ANKS1B: variants seen among roughly 807,000 people sequenced by gnomAD.
The protein encoded by ANKS1B is ankyrin repeat and sterile alpha motif domain-containing protein 1B.
Under a neutral mutation model 148.3 loss-of-function variants are expected in ANKS1B, and 36 were observed. That is an observed-to-expected ratio of 0.24 (90% CI 0.19 to 0.32). The LOEUF (loss-of-function observed/expected upper bound fraction) is 0.32. ANKS1B is among the 10% of genes least tolerant of loss of function. The pLI, the probability that ANKS1B is intolerant of heterozygous loss-of-function variation, is 1.00. For missense variants in ANKS1B, 1,157 were observed against 1,542.6 expected, an observed-to-expected ratio of 0.75 and a Z score of 4.19; for synonymous variants, 542 against 560.8, an observed-to-expected ratio of 0.97 and a Z score of 0.47.
intron 17 of ANKS1B, among the ~76,000 whole-genome samples, chr12:98,971,569 C>T (rs2099883139): frequency 6.6e-6 from 1 of 152,146 alleles, no homozygotes; most frequent in East Asian, 1.9e-4. Context: ...TACCCTTTGT[C>T]TAGAGTGATC....
chr12:99,972,572 G>A lies in ANKS1B; in HGVS notation c.134+11532C>T, dbSNP rs573427260. On this transcript the variant is annotated intron_variant, in intron 1 of 26. Coordinates refer to ENST00000683438, the MANE Select transcript of ANKS1B (RefSeq NM_001352186.2). ...AGCTGATGGAGCTGGGGAAGCTGCA[G>A]AAGAAAAATCTGAAGGTAGCAGAGG... Among the ~76,000 whole-genome samples the A allele has an allele frequency of 3.9e-5, 6 of 152,276 alleles. No individual in the cohort carries two copies. In the South Asian group the frequency reaches 1.2e-3, roughly 32 times the overall value.
intron 19 of ANKS1B, among the ~76,000 whole-genome samples, chr12:98,824,037 A>G (rs1007200130): frequency 3.3e-5 from 5 of 152,214 alleles, no homozygotes; most frequent in Non-Finnish European, 7.3e-5. Context: ...TGTGCACAAT[A>G]TATTTCCATA....
At chr12:99,176,613 C>T (rs1846481015) in intron 14 of ANKS1B, among the ~76,000 whole-genome samples, 1 of 152,100 alleles carries the variant, frequency 6.6e-6, no homozygotes, top group Admixed American at 6.5e-5. Context: ...GGTGTAATCC[C>T]TAGTGTTGGA....
intron 8 of ANKS1B, among the ~76,000 whole-genome samples, chr12:99,668,408 T>C (rs1260720047): frequency 6.6e-6 from 1 of 152,086 alleles, no homozygotes; most frequent in Non-Finnish European, 1.5e-5. Context: ...TTTAATTTCC[T>C]CTTTTATCTC....
At chr12:98,914,431 A>G (rs564149418) in intron 17 of ANKS1B, among the ~76,000 whole-genome samples, 11 of 152,302 alleles carry the variant, frequency 7.2e-5, no homozygotes, top group African/African-American at 2.4e-4. Context: ...TTCATATGCC[A>G]TATACAAGTC....
chr12:99,856,589 A>C (rs1336289452), intron 1 of ANKS1B, among the ~76,000 whole-genome samples: 1 of 152,136 alleles, frequency 6.6e-6, no homozygotes, highest in African/African-American at 2.4e-5. Context: ...AAAAAAGAAA[A>C]CTACAGACCA....
intron 17 of ANKS1B, among the ~76,000 whole-genome samples, chr12:98,925,319 T>C (rs1405814593): frequency 6.6e-6 from 1 of 152,216 alleles, no homozygotes; most frequent in African/African-American, 2.4e-5. Flanking sequence ...ATGAAAAATC[T>C]ATACTCCGGC....
Position 99,984,300 on chromosome 12 carries a change from C to T in ANKS1B, c.-63G>A. ...CTCGGGTCCTCCTCCCCACCCACCCCCACTCCCCAAAATCCAGGGCCCTCT... is the reference window on the plus strand; with the variant it reads ...CTCGGGTCCTCCTCCCCACCCACCCTCACTCCCCAAAATCCAGGGCCCTCT... On this transcript the variant is annotated 5_prime_UTR_variant, in exon 1 of 27. Coordinates refer to ENST00000683438, the MANE Select transcript of ANKS1B (RefSeq NM_001352186.2). The T allele has an allele frequency of 6.7e-7, 1 of 1,487,668 alleles. No individual in the cohort carries two copies. The highest frequency in any genetic ancestry group is 9.0e-7 in the Non-Finnish European group (1 of 1,105,564). The allele number at this position is 1,487,668 out of a possible 1,614,324, so 92.2% of individuals were successfully genotyped here.
At chr12:98,865,957 T>C (rs1160160445) in intron 17 of ANKS1B, among the ~76,000 whole-genome samples, 1 of 152,140 alleles carries the variant, frequency 6.6e-6, no homozygotes, top group Non-Finnish European at 1.5e-5. Context: ...TGCTTCCTAA[T>C]AGATGGCCGT....
chr12:98,942,238 C>G (rs2153023429), intron 17 of ANKS1B, among the ~76,000 whole-genome samples: 1 of 123,856 alleles, frequency 8.1e-6, no homozygotes, highest in South Asian at 3.0e-4. Flanking sequence ...GAGACCCTGT[C>G]TTGGTGGGAG....
chr12:98,771,465 G>A (rs1421643325), intron 25 of ANKS1B, among the ~76,000 whole-genome samples: 1 of 151,906 alleles, frequency 6.6e-6, no homozygotes, highest in Non-Finnish European at 1.5e-5. Flanking sequence ...AGCTGTGCCT[G>A]GCCAAGAGTA....
chr12:99,194,144 T>C (rs1409405226), intron 14 of ANKS1B, among the ~76,000 whole-genome samples: 1 of 152,122 alleles, frequency 6.6e-6, no homozygotes. Flanking sequence ...TTTTTAAAGG[T>C]AAGTTTAACC....
chr12:99,076,558 A>C (rs1192437520), intron 16 of ANKS1B, among the ~76,000 whole-genome samples: 14 of 152,156 alleles, frequency 9.2e-5, no homozygotes, highest in Admixed American at 9.2e-4. Context: ...AGTCCCATGA[A>C]GATGGTCAAA....
chr12:99,649,364 G>A, intron 9 of ANKS1B: 1 of 1,614,008 alleles, frequency 6.2e-7, no homozygotes. Flanking sequence ...GAAATGTTTG[G>A]GTCCACCTAT....
chr12:99,787,270 T>C (rs2065106375), intron 4 of ANKS1B, among the ~76,000 whole-genome samples: 1 of 152,168 alleles, frequency 6.6e-6, no homozygotes. Flanking sequence ...GTTCTCATGA[T>C]AGTGAGTTCT....
At chr12:99,906,047 T>C (rs11110109) in intron 1 of ANKS1B, among the ~76,000 whole-genome samples, 92,954 of 152,052 alleles carry the variant, frequency 0.61, 29,636 homozygotes, top group African/African-American at 0.71. Context: ...ATGAAAGATC[T>C]AAACCAGCGG....
chr12:98,914,273 A>T (rs1482676726), intron 17 of ANKS1B, among the ~76,000 whole-genome samples: 1 of 152,082 alleles, frequency 6.6e-6, no homozygotes, highest in Non-Finnish European at 1.5e-5. Flanking sequence ...CATGATTGTA[A>T]GCTTCCTGAG....
intron 8 of ANKS1B, among the ~76,000 whole-genome samples, chr12:99,656,222 G>A (rs2098449104): frequency 6.6e-6 from 1 of 152,136 alleles, no homozygotes; most frequent in African/African-American, 2.4e-5. Flanking sequence ...TACCATATTT[G>A]CATTAGACAA....
chr12:98,767,569 A>G (rs1354648256), intron 25 of ANKS1B, among the ~76,000 whole-genome samples: 1 of 152,238 alleles, frequency 6.6e-6, no homozygotes, highest in Non-Finnish European at 1.5e-5. Flanking sequence ...GACTGCAAAC[A>G]TATTCTTTTC....
Sources: gnomAD v4.1 joint callset for allele counts (sites outside exome capture counted in the v4.1 genomes callset) on GRCh38, gnomAD v4.1.1 for gene constraint, MANE v1.5 for transcripts, NCBI Gene and HGNC (gene_info 2026-07-23, HGNC 2026-07-21) for gene names.